The following MXD1 variants were observed in gnomAD, a reference collection of about 807,000 sequenced individuals.
The protein encoded by MXD1 is MAX-binding protein.
In MXD1, 9 loss-of-function variants were observed where a neutral mutation model predicts 25.7. The ratio of observed to expected loss-of-function variants is 0.35; its 90% CI spans 0.21 to 0.61. The LOEUF (loss-of-function observed/expected upper bound fraction) is 0.61, where lower values mean the gene tolerates loss of function less well. MXD1 is among the 20% of genes least tolerant of loss of function. The pLI, the probability that MXD1 is intolerant of heterozygous loss-of-function variation, is 0.75. For missense variants in MXD1, 227 were observed against 292.4 expected (o/e 0.78, Z 1.63); for synonymous variants, 99 against 113.9 (o/e 0.87, Z 0.83).
chr2:69,923,833 T>G (rs1677118714), intron 3 of MXD1, among the ~76,000 whole-genome samples: 1 of 152,266 alleles, frequency 6.6e-6, no homozygotes. Context: ...CTCTCCCTTC[T>G]TCCTGCCTTT....
Position 69,942,860 on chromosome 2 carries a change from CAT to C in MXD1, c.*4577_*4578del, listed in dbSNP as rs1677642934. The C allele has an allele frequency of 1.3e-5, 2 of 152,102 alleles. No homozygotes were observed. The highest frequency in any genetic ancestry group is 2.4e-5 in the African/African-American group (1 of 41,358). The allele number at this position is 152,102 out of a possible 1,614,324, so 9.4% of individuals were successfully genotyped here. On this transcript the variant is annotated 3_prime_UTR_variant, in exon 6 of 6. Coordinates refer to ENST00000264444, the MANE Select transcript of MXD1 (RefSeq NM_002357.4). Reference sequence around the variant, plus strand: ...GCACATGCATTTTTAGAAACTACTACATGTTTTAGAGAATCTTTGCTGTGTAT... The same window carrying C: ...GCACATGCATTTTTAGAAACTACTACGTTTTAGAGAATCTTTGCTGTGTAT...
rs193022494 is a variant in MXD1 at position 69,922,606 on chromosome 2, A to G, written c.203+841A>G. 4.6e-3 allele frequency among the ~76,000 whole-genome samples: 704 copies of G among 152,300 alleles called. 6 individuals are homozygous for G. Among genetic ancestry groups the G allele is most frequent in the South Asian group, 0.032 (156 of 4,826 alleles). ...TAGAAAATTTCAAATCTGGCCAGGTACAGTGGCTCATACCTGTAATCCCAG... is the reference window on the plus strand; with the variant it reads ...TAGAAAATTTCAAATCTGGCCAGGTGCAGTGGCTCATACCTGTAATCCCAG... On this transcript the variant is annotated intron_variant, in intron 3 of 5. Coordinates refer to ENST00000264444, the MANE Select transcript of MXD1 (RefSeq NM_002357.4).
intron 3 of MXD1, among the ~76,000 whole-genome samples, chr2:69,930,274 T>C (rs1230832571): frequency 2.0e-5 from 3 of 152,238 alleles, no homozygotes; most frequent in Non-Finnish European, 4.4e-5. Context: ...ACATGAGATA[T>C]GTGAAGATCT....
chr2:69,919,312 C>T (rs1186745280), intron 2 of MXD1, among the ~76,000 whole-genome samples: 1 of 152,144 alleles, frequency 6.6e-6, no homozygotes, highest in Non-Finnish European at 1.5e-5. Flanking sequence ...GTAATCTCAA[C>T]CAACTGTTGG....
rs1158563577 is a variant in MXD1 at position 69,915,253 on chromosome 2, G to T, written c.-78G>T. 27 of 1,234,102 alleles carry T rather than the reference G, an allele frequency of 2.2e-5. No individual in the cohort carries two copies. The highest frequency in any genetic ancestry group is 2.8e-5 in the Non-Finnish European group (27 of 963,334). 76.4% of individuals were successfully genotyped at this position (1,234,102 alleles called of 1,614,324 possible). ...GGCTCCACAGCGGGCTCCATAGCGG[G>T]CTCCACAGCGGTCCGGCGGCGGCAG... On this transcript the variant is annotated 5_prime_UTR_variant, in exon 1 of 6. Coordinates refer to ENST00000264444, the MANE Select transcript of MXD1 (RefSeq NM_002357.4). This position sits in a 1 kb window ranked among gnomAD's most constrained non-coding sequence, Gnocchi z 5.8.
chr2:69,935,220 C>A, intron 3 of MXD1, 131 bp from the exon 4 acceptor site: 2 of 660,608 alleles, frequency 3.0e-6, no homozygotes, highest in South Asian at 1.8e-5. Flanking sequence ...GTTTATTCAG[C>A]AAAAGGTCAT....
At chr2:69,924,626 G>A (rs367742615) in intron 3 of MXD1, among the ~76,000 whole-genome samples, 2 of 152,016 alleles carry the variant, frequency 1.3e-5, no homozygotes, top group African/African-American at 4.8e-5. Context: ...AATACCACTC[G>A]GGTAAATGCT....
rs771201928 is a variant in MXD1, at chr2:69,938,151, G to T, written c.533G>T (p.Trp178Leu). The T allele has an allele frequency of 6.8e-6, 11 of 1,614,124 alleles. No individual in the cohort carries two copies. In the South Asian group the frequency reaches 1.2e-4, roughly 18 times the overall value. Residue 178 changes from tryptophan to leucine, a missense_variant, in exon 6 of 6, where the codon TGG becomes TTG. Transcript: ENST00000264444. ...GACTATCTCACAGGTGATCTGGACTGGAGCAGCAGCAGTGTGAGCGACTCT... is the reference window on the plus strand; with the variant it reads ...GACTATCTCACAGGTGATCTGGACTTGAGCAGCAGCAGTGTGAGCGACTCT... ...STDYLTGDLDWSSSSVSDSDE... is the reference protein window; with the variant it reads ...STDYLTGDLDLSSSSVSDSDE...
chr2:69,920,406 C>T (rs1003229945), intron 2 of MXD1, among the ~76,000 whole-genome samples: 1 of 152,026 alleles, frequency 6.6e-6, no homozygotes, highest in African/African-American at 2.4e-5. Flanking sequence ...ATTTTTTCTT[C>T]GTGAATAAAA....
intron 2 of MXD1, among the ~76,000 whole-genome samples, chr2:69,918,255 GAA>G (rs1464680517): frequency 6.6e-6 from 1 of 152,158 alleles, no homozygotes; most frequent in Non-Finnish European, 1.5e-5. Flanking sequence ...CTTACAGGTT[GAA>G]ATGCTGTGCT....
intron 3 of MXD1, among the ~76,000 whole-genome samples, chr2:69,931,799 T>C (rs936215859): frequency 2.0e-5 from 3 of 152,218 alleles, no homozygotes; most frequent in Admixed American, 6.5e-5. Context: ...GTATATCAGC[T>C]TATTCAGAAT....
Position 69,941,523 on chromosome 2 carries a change from A to G in MXD1, c.*3239A>G, listed in dbSNP as rs1434595495. The G allele has an allele frequency of 6.6e-6, 1 of 152,202 alleles. No homozygotes were observed. Among genetic ancestry groups the G allele is most frequent in the Non-Finnish European group, 1.5e-5 (1 of 68,038 alleles). 9.4% of individuals were successfully genotyped at this position (152,202 alleles called of 1,614,324 possible). On this transcript the variant is annotated 3_prime_UTR_variant, in exon 6 of 6. Coordinates refer to ENST00000264444, the MANE Select transcript of MXD1 (RefSeq NM_002357.4). ...AAAATAATTTCAGTGTTGATTCAGA[A>G]CTGAACATTAAGTAGGCCCTCGTCC...
intron 2 of MXD1, among the ~76,000 whole-genome samples, chr2:69,917,288 C>T (rs1676980027): frequency 6.6e-6 from 1 of 152,304 alleles, no homozygotes; most frequent in East Asian, 1.9e-4. Context: ...TTACTTGTGC[C>T]ATGCCCTTGA....
rs1427705010 is a variant in MXD1, at chr2:69,915,187, C to G, written c.-144C>G. ...TCCCTCTCTTGTCGAGCGTGGTTGC[C>G]AGAGAGGCTCCCTCAGCCCTGCTCC... is the stretch of plus-strand genomic sequence containing the variant. On this transcript the variant is annotated 5_prime_UTR_variant, in exon 1 of 6. Transcript: ENST00000264444. The surrounding 1 kb of genome is among the most constrained non-coding windows in gnomAD (Gnocchi z 5.8). The G allele has an allele frequency of 1.4e-5, 9 of 650,196 alleles. No homozygotes were observed. Among genetic ancestry groups the G allele is most frequent in the Non-Finnish European group, 1.8e-5 (8 of 446,602 alleles). 40.3% of individuals were successfully genotyped at this position (650,196 alleles called of 1,614,324 possible). A position where few individuals can be genotyped will look rare whatever the true frequency, so the allele number is the denominator to read the frequency against.
rs1048762336 is a variant in MXD1, at chr2:69,938,867, G to C, written c.*583G>C. 2 of 152,944 alleles carry C rather than the reference G, an allele frequency of 1.3e-5. No individual in the cohort carries two copies. Among genetic ancestry groups the C allele is most frequent in the African/African-American group, 4.8e-5 (2 of 41,438 alleles). The allele number at this position is 152,944 out of a possible 1,614,324, so 9.5% of individuals were successfully genotyped here. ...TCATTCCCCCGACGCGCCGCGTGTG[G>C]ATGGGAGCAGTATTTCTCACTTTAA... On this transcript the variant is annotated 3_prime_UTR_variant, in exon 6 of 6. Transcript: ENST00000264444.
rs1676944046 is a variant in MXD1, at chr2:69,915,452, G to T, written c.73+49G>T. The T allele has an allele frequency of 8.0e-7, 1 of 1,251,284 alleles. No homozygotes were observed. Among genetic ancestry groups the T allele is most frequent in the South Asian group, 3.4e-5 (1 of 29,084 alleles). 77.5% of individuals were successfully genotyped at this position (1,251,284 alleles called of 1,614,324 possible). A position where few individuals can be genotyped will look rare whatever the true frequency, so the allele number is the denominator to read the frequency against. ...CACTCGAAACGAGGCCGGGGGTCCTGTGGGGCCGGCCTCAGGTCCGGGCGC... is the reference window on the plus strand; with the variant it reads ...CACTCGAAACGAGGCCGGGGGTCCTTTGGGGCCGGCCTCAGGTCCGGGCGC... On this transcript the variant is annotated intron_variant, in intron 1 of 5. Coordinates refer to ENST00000264444, the MANE Select transcript of MXD1 (RefSeq NM_002357.4). The surrounding 1 kb of genome is among the most constrained non-coding windows in gnomAD (Gnocchi z 5.8).
intron 2 of MXD1, 122 bp downstream of exon 2, chr2:69,916,342 A>G (rs1167686221): frequency 3.1e-6 from 2 of 653,652 alleles, no homozygotes; most frequent in African/African-American, 3.7e-5. Flanking sequence ...GTCATGATTC[A>G]GTAATGTACA....
intron 3 of MXD1, among the ~76,000 whole-genome samples, chr2:69,930,134 CT>C (rs2104189360): frequency 6.6e-6 from 1 of 152,280 alleles, no homozygotes; most frequent in East Asian, 1.9e-4. Flanking sequence ...ATCCAGGAAT[CT>C]GCTATTTTTT....
chr2:69,926,696 A>C (rs1677177725), intron 3 of MXD1, among the ~76,000 whole-genome samples: 1 of 152,224 alleles, frequency 6.6e-6, no homozygotes, highest in Non-Finnish European at 1.5e-5. Flanking sequence ...TTGGAATATA[A>C]ACATATTTGA....
Sources: allele counts gnomAD v4.1 joint callset (sites outside exome capture counted in the v4.1 genomes callset), GRCh38; gene constraint gnomAD v4.1.1; non-coding constraint Gnocchi (gnomAD v3.1); transcripts MANE v1.5; gene names NCBI Gene and HGNC (gene_info 2026-07-23, HGNC 2026-07-21).